The following VEPH1 variants were observed in gnomAD, a reference collection of about 807,000 sequenced individuals.
The protein encoded by VEPH1 is ventricular zone-expressed PH domain-containing protein homolog 1.
VEPH1 carries 80 observed loss-of-function variants against 85.2 expected under a neutral mutation model. That is an observed-to-expected ratio of 0.94 (90% confidence interval 0.78 to 1.13). VEPH1 has a LOEUF of 1.13. Ranked by LOEUF, VEPH1 falls within the 50% of genes most tolerant of loss-of-function variation. The pLI, the probability that VEPH1 is intolerant of heterozygous loss-of-function variation, is 0.00. For missense variants in VEPH1, 955 were observed against 980.5 expected (o/e 0.97, Z 0.35); for synonymous variants, 297 against 348.0 (o/e 0.85, Z 1.63).
intron 7 of VEPH1, among the ~76,000 whole-genome samples, chr3:157,366,162 C>A (rs549347374): frequency 2.2e-4 from 33 of 152,112 alleles, no homozygotes; most frequent in Admixed American, 2.2e-3. Flanking sequence ...GCCATGAACT[C>A]GGGACAGAGA....
intron 6 of VEPH1, among the ~76,000 whole-genome samples, chr3:157,388,277 G>T (rs1023280385): frequency 2.0e-5 from 3 of 152,120 alleles, no homozygotes; most frequent in Non-Finnish European, 4.4e-5. Context: ...TTAACTGCCT[G>T]GGGGCGTATT....
At chr3:157,328,078 A>G (rs1383496067) in intron 9 of VEPH1, among the ~76,000 whole-genome samples, 1 of 152,116 alleles carries the variant, frequency 6.6e-6, no homozygotes, top group Non-Finnish European at 1.5e-5. Flanking sequence ...CACTAATAAG[A>G]GCTCCTATTT....
At chr3:157,312,648 TC>T (rs1720228570) in intron 11 of VEPH1, among the ~76,000 whole-genome samples, 1 of 152,208 alleles carries the variant, frequency 6.6e-6, no homozygotes, top group Admixed American at 6.5e-5. Context: ...CCTGGATTCT[TC>T]TATTTTTCTT....
chr3:157,432,081 C>T (rs1577640404), intron 4 of VEPH1, among the ~76,000 whole-genome samples: 6 of 152,100 alleles, frequency 3.9e-5, no homozygotes, highest in Admixed American at 3.9e-4. Context: ...AACTCCTGAC[C>T]TTGTGATCTG....
intron 4 of VEPH1, among the ~76,000 whole-genome samples, chr3:157,447,576 T>C (rs1265471102): frequency 6.6e-6 from 1 of 151,584 alleles, no homozygotes; most frequent in African/African-American, 2.4e-5. Context: ...CATGAGTGGA[T>C]ATGGTTCTGC....
chr3:157,379,185 G>A (rs1728480600), intron 7 of VEPH1, among the ~76,000 whole-genome samples: 1 of 152,198 alleles, frequency 6.6e-6, no homozygotes, highest in African/African-American at 2.4e-5. Flanking sequence ...CAGCATGAAA[G>A]GCCTCTGATA....
chr3:157,430,725 T>C (rs1166443045), intron 4 of VEPH1, among the ~76,000 whole-genome samples: 2 of 152,218 alleles, frequency 1.3e-5, no homozygotes, highest in Non-Finnish European at 2.9e-5. Flanking sequence ...GTTAGTTAAG[T>C]GGCAAAGCAC....
chr3:157,381,516 G>C, intron 6 of VEPH1, 140 bp from the exon 7 acceptor site: 1 of 779,106 alleles, frequency 1.3e-6, no homozygotes, highest in Non-Finnish European at 2.1e-6. Context: ...ACAGGAGTTT[G>C]CAACCAGCCT....
Position 157,298,219 on chromosome 3 carries a change from G to A in VEPH1, c.2011-11545C>T, listed in dbSNP as rs913835262. On this transcript the variant is annotated intron_variant, in intron 11 of 13. Transcript: ENST00000362010. ...TTTACCTTCTTAACAACCCTATGAGGGAGGTGGATTCTTTCCTAGTTATAG... is the reference window on the plus strand; with the variant it reads ...TTTACCTTCTTAACAACCCTATGAGAGAGGTGGATTCTTTCCTAGTTATAG... Among the ~76,000 whole-genome samples, 10 of 152,292 alleles carry A rather than the reference G, an allele frequency of 6.6e-5. No individual in the cohort carries two copies. The Middle Eastern group carries it at 0.01, about 155-fold the overall frequency.
chr3:157,396,577 A>G (rs1373784823), intron 6 of VEPH1, among the ~76,000 whole-genome samples: 1 of 152,142 alleles, frequency 6.6e-6, no homozygotes, highest in African/African-American at 2.4e-5. Context: ...AAGCATTCCT[A>G]TTTCTCCACA....
intron 4 of VEPH1, among the ~76,000 whole-genome samples, chr3:157,435,511 G>A (rs984553951): frequency 1.3e-5 from 2 of 152,180 alleles, no homozygotes; most frequent in Non-Finnish European, 2.9e-5. Context: ...AATACAGTAG[G>A]TAACCCTGTG....
chr3:157,383,031 T>G (rs529649011), intron 6 of VEPH1, among the ~76,000 whole-genome samples: 1 of 151,982 alleles, frequency 6.6e-6, no homozygotes, highest in South Asian at 2.1e-4. Context: ...AGAGACAGGG[T>G]CTCACCGTGT....
rs370409640 is a variant in VEPH1, at chr3:157,391,974, G to A, written c.907-10598C>T. Among the ~76,000 whole-genome samples the A allele has an allele frequency of 9.9e-5, 15 of 152,022 alleles. No homozygotes were observed. In the South Asian group the frequency reaches 1.0e-3, roughly 11 times the overall value. ...ATTTCAACCAAGAATTTCATACCCC[G>A]CCATACTAAAGCTTCATAAATGAAG... On this transcript the variant is annotated intron_variant, in intron 6 of 13. Coordinates refer to ENST00000362010, the MANE Select transcript of VEPH1 (RefSeq NM_001167912.2).
At chr3:157,484,675 G>A (rs1043194011) in intron 2 of VEPH1, among the ~76,000 whole-genome samples, 1 of 152,120 alleles carries the variant, frequency 6.6e-6, no homozygotes, top group African/African-American at 2.4e-5. Flanking sequence ...CATGTAAGAT[G>A]GGCATTAAAG....
At chr3:157,449,614 C>T (rs1734807073) in intron 4 of VEPH1, among the ~76,000 whole-genome samples, 1 of 152,160 alleles carries the variant, frequency 6.6e-6, no homozygotes, top group Non-Finnish European at 1.5e-5. Context: ...GCCTCTTCCT[C>T]TCCCCCAACA....
Position 157,419,784 on chromosome 3 carries a change from A to G in VEPH1, c.697-5694T>C, listed in dbSNP as rs116741824. ...TGTGGTGATTCTTCAAAGACCCAGAACCAGAAATACCATTTGACCCAACAA... is the reference window on the plus strand; with the variant it reads ...TGTGGTGATTCTTCAAAGACCCAGAGCCAGAAATACCATTTGACCCAACAA... On this transcript the variant is annotated intron_variant, in intron 5 of 13. Transcript: ENST00000362010. Among the ~76,000 whole-genome samples the G allele has an allele frequency of 5.1e-3, 774 of 152,312 alleles. 8 individuals are homozygous for G. The highest frequency in any genetic ancestry group is 0.018 in the African/African-American group (750 of 41,566).
chr3:157,354,386 C>T (rs1725202888), intron 9 of VEPH1, among the ~76,000 whole-genome samples: 1 of 152,152 alleles, frequency 6.6e-6, no homozygotes, highest in South Asian at 2.1e-4. Flanking sequence ...TTAGGCCCAA[C>T]CCACCAGCAC....
intron 4 of VEPH1, among the ~76,000 whole-genome samples, chr3:157,429,706 T>G (rs1292427519): frequency 6.6e-6 from 1 of 152,246 alleles, no homozygotes; most frequent in Non-Finnish European, 1.5e-5. Context: ...TTTTGTTTTC[T>G]GTTTATTTTA....
intron 2 of VEPH1, among the ~76,000 whole-genome samples, chr3:157,491,648 C>T (rs183833756): frequency 7.8e-4 from 119 of 152,078 alleles, no homozygotes; most frequent in African/African-American, 2.8e-3. Flanking sequence ...TTGTTTGCCA[C>T]ATTTTTGGAT....
Sources: gnomAD v4.1 joint callset for allele counts (sites outside exome capture counted in the v4.1 genomes callset) on GRCh38, gnomAD v4.1.1 for gene constraint, MANE v1.5 for transcripts, NCBI Gene and HGNC (gene_info 2026-07-23, HGNC 2026-07-21) for gene names.